Variants in THRB observed in about 807,000 individuals in gnomAD.
THRB encodes nuclear receptor subfamily 1 group A member 2.
A neutral mutation model predicts 47.8 loss-of-function variants in THRB; 12 were observed. That is an observed-to-expected ratio of 0.25 (90% CI 0.16 to 0.41). The LOEUF (loss-of-function observed/expected upper bound fraction) is 0.41, where lower values mean the gene tolerates loss of function less well. Among genes scored for constraint, THRB ranks in the 10% least tolerant of loss-of-function variants. THRB has a pLI of 1.00. For synonymous variants in THRB, 218 were observed against 212.2 expected (o/e 1.03, Z -0.24); for missense variants, 348 against 589.2 (o/e 0.59, Z 4.24).
intron 8 of THRB, 81 bp downstream of exon 8, chr3:24,143,420 C>G (rs1195470516): frequency 1.5e-6 from 2 of 1,371,084 alleles, no homozygotes; most frequent in African/African-American, 2.8e-5. Flanking sequence ...ACACCAGTAT[C>G]CCAAGGTGAT....
intron 5 of THRB, among the ~76,000 whole-genome samples, chr3:24,175,887 T>G (rs1174213443): frequency 1.2e-4 from 18 of 152,206 alleles, no homozygotes; most frequent in Non-Finnish European, 8.8e-5. Context: ...TTACTGTACA[T>G]AATTACAAAG....
chr3:24,335,761 T>C (rs1441186500), intron 2 of THRB, among the ~76,000 whole-genome samples: 1 of 152,228 alleles, frequency 6.6e-6, no homozygotes, highest in Non-Finnish European at 1.5e-5. Context: ...TGTTCATTCT[T>C]TTGTGTCTAA....
intron 4 of THRB, among the ~76,000 whole-genome samples, chr3:24,201,413 G>A (rs75974419): frequency 6.6e-6 from 1 of 152,114 alleles, no homozygotes; most frequent in Non-Finnish European, 1.5e-5. Context: ...TGCAGCATCA[G>A]CATCTCCTGG....
intron 8 of THRB, among the ~76,000 whole-genome samples, chr3:24,137,089 T>C (rs1310904738): frequency 6.6e-6 from 1 of 152,240 alleles, no homozygotes; most frequent in Admixed American, 6.5e-5. Flanking sequence ...AGTCATATGG[T>C]ATTTAGGCAT....
intron 2 of THRB, among the ~76,000 whole-genome samples, chr3:24,331,298 G>A (rs943778504): frequency 2.6e-5 from 4 of 152,100 alleles, no homozygotes; most frequent in South Asian, 2.1e-4. Flanking sequence ...AAAAGAAGGG[G>A]AGAGAGCAGG....
At chr3:24,346,919 T>C (rs1057040085) in intron 1 of THRB, among the ~76,000 whole-genome samples, 5 of 151,870 alleles carry the variant, frequency 3.3e-5, no homozygotes, top group African/African-American at 1.2e-4. Context: ...GATGAACACA[T>C]TTGACCTAAT....
chr3:24,486,233 T>C (rs1357828755), intron 1 of THRB, among the ~76,000 whole-genome samples: 1 of 152,176 alleles, frequency 6.6e-6, no homozygotes. Context: ...TGGCCGCAAA[T>C]GCCATAGCGT....
At chr3:24,272,347 A>AAACAACAACAAC (rs35975177) in intron 3 of THRB, among the ~76,000 whole-genome samples, 3,583 of 149,846 alleles carry the variant, frequency 0.024, 50 homozygotes, top group South Asian at 0.035. Flanking sequence ...CTCTCTCTCA[A>AAACAACAACAAC]AACAACAACA....
At chr3:24,325,286 T>C (rs776043163) in intron 2 of THRB, among the ~76,000 whole-genome samples, 1 of 152,216 alleles carries the variant, frequency 6.6e-6, no homozygotes, top group African/African-American at 2.4e-5. Flanking sequence ...TGATAACTAA[T>C]GGCTGGCATG....
chr3:24,352,953 C>T (rs2063448858), intron 1 of THRB, among the ~76,000 whole-genome samples: 2 of 151,870 alleles, frequency 1.3e-5, no homozygotes, highest in Non-Finnish European at 2.9e-5. Context: ...TACTATATTT[C>T]TTTATAAACT....
chr3:24,297,679 T>A (rs989522457), intron 2 of THRB, among the ~76,000 whole-genome samples: 1 of 152,256 alleles, frequency 6.6e-6, no homozygotes, highest in Non-Finnish European at 1.5e-5. Context: ...GTTAAGTAGC[T>A]ACAACAGACT....
Position 24,123,013 on chromosome 3 carries a change from T to G in THRB, c.1257A>C (p.Pro419=). 1 of 1,614,188 alleles carries G rather than the reference T, an allele frequency of 6.2e-7. No individual in the cohort carries two copies. The highest frequency in any genetic ancestry group is 8.5e-7 in the Non-Finnish European group (1 of 1,180,040). Reference sequence around the variant, plus strand: ...GATCTGTCACCTTCATCAGGAGTTTTGGCCAAAAGTGTGTCACGTGGTGTT... The same window carrying G: ...GATCTGTCACCTTCATCAGGAGTTTGGGCCAAAAGTGTGTCACGTGGTGTT... ...YRKHHVTHFW[P]KLLMKVTDLR... Residue 419 remains proline, a synonymous_variant, in exon 11 of 11, where the codon CCA becomes CCC. Coordinates refer to ENST00000646209, the MANE Select transcript of THRB (RefSeq NM_001354712.2).
intron 8 of THRB, among the ~76,000 whole-genome samples, chr3:24,139,208 T>C (rs886460972): frequency 3.9e-5 from 6 of 152,226 alleles, no homozygotes; most frequent in Admixed American, 1.3e-4. Flanking sequence ...ATGATTTAAA[T>C]GCTTTTGGGA....
chr3:24,281,640 G>A lies in THRB; in HGVS notation c.-43+15586C>T, dbSNP rs28853871. 9.2e-3 allele frequency among the ~76,000 whole-genome samples: 349 copies of A among 37,738 alleles called. 14 individuals are homozygous for A. The highest frequency in any genetic ancestry group is 0.023 in the African/African-American group (317 of 13,772). 24.8% of individuals were successfully genotyped at this position (37,738 alleles called of 152,430 possible). On this transcript the variant is annotated intron_variant, in intron 3 of 10. Transcript: ENST00000646209. ...CTCCAATTAAAAGACACAGACTGGC[G>A]AAATGGATAAAGAGTCAAGACCCAT...
intron 4 of THRB, among the ~76,000 whole-genome samples, chr3:24,203,504 T>C (rs1283290766): frequency 6.6e-6 from 1 of 152,180 alleles, no homozygotes; most frequent in Non-Finnish European, 1.5e-5. Context: ...GTTTGGGAAG[T>C]TGAGAGACAT....
intron 1 of THRB, among the ~76,000 whole-genome samples, chr3:24,466,742 T>C (rs1354003404): frequency 6.6e-6 from 1 of 152,192 alleles, no homozygotes; most frequent in Non-Finnish European, 1.5e-5. Flanking sequence ...GTATATACCT[T>C]AATGTAAAAT....
At chr3:24,158,420 CTT>C (rs869272206) in intron 5 of THRB, among the ~76,000 whole-genome samples, 1,266 of 107,662 alleles carry the variant, frequency 0.012, 21 homozygotes, top group African/African-American at 0.047. Flanking sequence ...AAAATGATAA[CTT>C]TTTTTTTTTT....
intron 1 of THRB, among the ~76,000 whole-genome samples, chr3:24,337,877 G>C (rs113001303): frequency 0.031 from 4,745 of 152,218 alleles, 92 homozygotes; most frequent in African/African-American, 0.052. Flanking sequence ...GGGTATGAAT[G>C]TAAGCATGAA....
intron 1 of THRB, among the ~76,000 whole-genome samples, chr3:24,444,686 C>T (rs1180539303): frequency 1.3e-5 from 2 of 152,146 alleles, no homozygotes; most frequent in East Asian, 3.9e-4. Flanking sequence ...TCACTGCAAC[C>T]TTGTGCCTTC....
Sources: gnomAD v4.1 joint callset for allele counts (sites outside exome capture counted in the v4.1 genomes callset) on GRCh38, gnomAD v4.1.1 for gene constraint, MANE v1.5 for transcripts, NCBI Gene and HGNC (gene_info 2026-07-23, HGNC 2026-07-21) for gene names.